Variants in LARGE1 observed in about 807,000 individuals in gnomAD.
LARGE1 encodes the protein LARGE xylosyl- and glucuronyltransferase 1, also known as xylosyl- and glucuronyltransferase LARGE1.
Under a neutral mutation model 87.6 loss-of-function variants are expected in LARGE1, and 43 were observed. The ratio of observed to expected loss-of-function variants is 0.49; its 90% CI spans 0.38 to 0.63. LARGE1 has a LOEUF of 0.63. Among genes scored for constraint, LARGE1 ranks in the 30% least tolerant of loss-of-function variants. The probability of loss-of-function intolerance (pLI) is 0.00; values close to 1 mark genes in which losing one functional copy is unlikely to be tolerated. For synonymous variants in LARGE1, 434 were observed against 394.6 expected (o/e 1.10, Z -1.18); for missense variants, 802 against 1,000.2 (o/e 0.80, Z 2.67).
intron 6 of LARGE1, among the ~76,000 whole-genome samples, chr22:33,496,995 A>T (rs1569213856): frequency 6.6e-6 from 1 of 152,032 alleles, no homozygotes; most frequent in Non-Finnish European, 1.5e-5. Flanking sequence ...TGATACTTGG[A>T]AAGGCAGTAT....
intron 1 of LARGE1, among the ~76,000 whole-genome samples, chr22:33,874,438 C>T (rs932356645): frequency 4.6e-5 from 7 of 152,168 alleles, no homozygotes; most frequent in Non-Finnish European, 1.0e-4. Flanking sequence ...GTGACCCAAA[C>T]AGAAAGGCAA....
intron 9 of LARGE1, among the ~76,000 whole-genome samples, chr22:33,356,068 T>A (rs562582441): frequency 5.8e-4 from 88 of 152,268 alleles, no homozygotes; most frequent in Non-Finnish European, 1.0e-3. Flanking sequence ...ATAAGTCCAA[T>A]TAACAGCTCT....
At chr22:33,394,545 T>C (rs1478712798) in intron 7 of LARGE1, among the ~76,000 whole-genome samples, 1 of 152,162 alleles carries the variant, frequency 6.6e-6, no homozygotes, top group Non-Finnish European at 1.5e-5. Context: ...GATGGAATTA[T>C]CTCTATTTTA....
In LARGE1 at chr22:33,915,012, AACAC is replaced by A. The variant is rs71320998; in HGVS notation, c.-83+4979_-83+4982del. ...GAGACAAGACAAACATACAAACACA[AACAC>A]ACACACACACACACACACACACACA... On this transcript the variant is annotated intron_variant, in intron 1 of 14. Transcript: ENST00000397394. 5.7e-3 allele frequency among the ~76,000 whole-genome samples: 795 copies of A among 139,176 alleles called. 1 individual carries two copies. The highest frequency in any genetic ancestry group is 0.012 in the South Asian group (49 of 4,176). 91.3% of individuals were successfully genotyped at this position (139,176 alleles called of 152,430 possible). A position where few individuals can be genotyped will look rare whatever the true frequency, so the allele number is the denominator to read the frequency against.
upstream of LARGE1, among the ~76,000 whole-genome samples, chr22:33,921,061 G>A (rs2065935723): frequency 6.6e-6 from 1 of 150,460 alleles, no homozygotes; most frequent in African/African-American, 2.4e-5. This position sits in a 1 kb window ranked among gnomAD's most constrained non-coding sequence, Gnocchi z 4.1. Context: ...GCCGGGGCTG[G>A]GTTCCGAGCG....
At chr22:33,535,346 T>C (rs2077011180) in intron 6 of LARGE1, among the ~76,000 whole-genome samples, 1 of 151,856 alleles carries the variant, frequency 6.6e-6, no homozygotes, top group Admixed American at 6.6e-5. Flanking sequence ...GAGTTTGAGA[T>C]CAGCCCGGCC....
chr22:33,728,982 C>T (rs991978465), intron 2 of LARGE1, among the ~76,000 whole-genome samples: 7 of 152,060 alleles, frequency 4.6e-5, no homozygotes, highest in African/African-American at 1.7e-4. Context: ...ACTGTCACCC[C>T]CCTCCCCACA....
chr22:33,841,157 T>G (rs1485187287), intron 1 of LARGE1, among the ~76,000 whole-genome samples: 1 of 152,230 alleles, frequency 6.6e-6, no homozygotes, highest in Non-Finnish European at 1.5e-5. Flanking sequence ...TTGAACTTGA[T>G]ATTTTCAACT....
chr22:33,580,562 G>A (rs925577137), intron 5 of LARGE1, among the ~76,000 whole-genome samples: 3 of 152,110 alleles, frequency 2.0e-5, no homozygotes, highest in African/African-American at 7.2e-5. Context: ...GAGTGAGCTC[G>A]AGACGCTAGT....
chr22:33,684,973 T>A (rs1295176146), intron 2 of LARGE1, among the ~76,000 whole-genome samples: 1 of 152,138 alleles, frequency 6.6e-6, no homozygotes, highest in Non-Finnish European at 1.5e-5. Context: ...TTTTCAGGTG[T>A]ATGGGGGGTG....
chr22:33,302,573 C>A (rs1234284257), intron 12 of LARGE1, among the ~76,000 whole-genome samples: 1 of 151,978 alleles, frequency 6.6e-6, no homozygotes, highest in Admixed American at 6.5e-5. Flanking sequence ...TTTGGCTTCC[C>A]GACAGAAAGT....
At chr22:33,502,480 G>A (rs561524666) in intron 6 of LARGE1, among the ~76,000 whole-genome samples, 14 of 152,314 alleles carry the variant, frequency 9.2e-5, no homozygotes, top group African/African-American at 3.4e-4. Flanking sequence ...AAGTTCAACA[G>A]GCAAGAAGGA....
In LARGE1 at chr22:33,701,059, G is replaced by T. The variant is rs2082392231; in HGVS notation, c.107-50391C>A. ...GGCTCTGATTCATAATCTTGGGATGGGCCTGCAGTTGTGTCTTCTTGAGCA... is the reference window on the plus strand; with the variant it reads ...GGCTCTGATTCATAATCTTGGGATGTGCCTGCAGTTGTGTCTTCTTGAGCA... On this transcript the variant is annotated intron_variant, in intron 2 of 14. Transcript: ENST00000397394. Among the ~76,000 whole-genome samples the T allele has an allele frequency of 2.0e-5, 3 of 152,240 alleles. No homozygotes were observed. In the South Asian group the frequency reaches 6.2e-4, roughly 32 times the overall value.
At chr22:33,115,455 A>G in the LARGE1 span, among the ~76,000 whole-genome samples, 1 of 128,532 alleles carries the variant, frequency 7.8e-6, no homozygotes, top group South Asian at 2.7e-4. Context: ...CTCTCAAAGA[A>G]AAAAAAAAAA....
chr22:33,636,352 G>T (rs1193584204), intron 3 of LARGE1, among the ~76,000 whole-genome samples: 4 of 152,118 alleles, frequency 2.6e-5, no homozygotes, highest in Admixed American at 2.0e-4. Context: ...ACAATGATCA[G>T]TGTAGCGCCA....
intron 1 of LARGE1, among the ~76,000 whole-genome samples, chr22:33,876,331 C>G (rs2064464830): frequency 6.6e-6 from 1 of 151,884 alleles, no homozygotes; most frequent in African/African-American, 2.4e-5. Flanking sequence ...AGTCACAAAT[C>G]AGGAGAGCAG....
intron 1 of LARGE1, among the ~76,000 whole-genome samples, chr22:33,866,654 C>A (rs1356483287): frequency 2.0e-5 from 3 of 152,146 alleles, no homozygotes; most frequent in Non-Finnish European, 2.9e-5. Context: ...GAAGCACTCA[C>A]AATAATGCTT....
intron 1 of LARGE1, among the ~76,000 whole-genome samples, chr22:33,910,716 C>T (rs1004815201): frequency 6.6e-6 from 1 of 152,180 alleles, no homozygotes; most frequent in African/African-American, 2.4e-5. Flanking sequence ...ACAGAGCCTA[C>T]AGTCAGGAAC....
At chr22:33,504,560 C>T (rs963910624) in intron 6 of LARGE1, among the ~76,000 whole-genome samples, 1 of 152,142 alleles carries the variant, frequency 6.6e-6, no homozygotes, top group African/African-American at 2.4e-5. Context: ...GGAAATATAT[C>T]TTTTTTAAAA....
Sources: allele counts gnomAD v4.1 joint callset (sites outside exome capture counted in the v4.1 genomes callset), GRCh38; gene constraint gnomAD v4.1.1; non-coding constraint Gnocchi (gnomAD v3.1); transcripts MANE v1.5; gene names NCBI Gene and HGNC (gene_info 2026-07-23, HGNC 2026-07-21).